The following TNKS variants were observed in gnomAD, a reference collection of about 807,000 sequenced individuals.
TNKS encodes poly [ADP-ribose] polymerase tankyrase-1.
TNKS carries 72 observed loss-of-function variants against 135.8 expected under a neutral mutation model. The ratio of observed to expected loss-of-function variants is 0.53; its 90% CI spans 0.44 to 0.64. The LOEUF (loss-of-function observed/expected upper bound fraction) is 0.64, where lower values mean the gene tolerates loss of function less well. Ranked by LOEUF, TNKS falls within the 30% of genes least tolerant of loss-of-function variation. TNKS has a pLI of 0.00. For missense variants in TNKS, 1,769 were observed against 1,674.0 expected, an observed-to-expected ratio of 1.06 and a Z score of -0.99; for synonymous variants, 849 against 649.3, an observed-to-expected ratio of 1.31 and a Z score of -4.68.
chr8:9,714,089 C>T (rs778592809), intron 11 of TNKS, among the ~76,000 whole-genome samples: 2 of 152,166 alleles, frequency 1.3e-5, no homozygotes, highest in African/African-American at 4.8e-5. Flanking sequence ...AGTAATTTGC[C>T]TTACTTTGAC....
rs543389824 is a variant in TNKS at position 9,780,419 on chromosome 8, A to T, written c.*3683A>T. 3.9e-5 allele frequency: 6 copies of T among 152,246 alleles called. No homozygotes were observed. The highest frequency in any genetic ancestry group is 8.8e-5 in the Non-Finnish European group (6 of 68,044). 9.4% of individuals were successfully genotyped at this position (152,246 alleles called of 1,614,324 possible). ...AGGTATTCAAAACTGCCATTAAGAT[A>T]GGATTTCATGTCAGATACGTATTTA... On this transcript the variant is annotated 3_prime_UTR_variant, in exon 27 of 27. Transcript: ENST00000310430.
intron 3 of TNKS, among the ~76,000 whole-genome samples, chr8:9,660,168 G>A (rs1442365066): frequency 3.9e-5 from 6 of 152,184 alleles, no homozygotes; most frequent in East Asian, 3.8e-4. Flanking sequence ...ACAAGGAGGA[G>A]CTGGTACCAT....
chr8:9,680,690 A>G, intron 4 of TNKS, 35 bp from the exon 5 acceptor site: 1 of 1,463,644 alleles, frequency 6.8e-7, no homozygotes, highest in Admixed American at 1.8e-5. Context: ...GAAGCTTTGT[A>G]ATTTTAGAGG....
intron 20 of TNKS, among the ~76,000 whole-genome samples, chr8:9,759,043 C>A (rs10101132): frequency 0.29 from 44,723 of 152,070 alleles, 6,926 homozygotes; most frequent in East Asian, 0.39. Context: ...GCCATGTGAG[C>A]CTGTATAACA....
At chr8:9,629,634 C>G (rs1403844107) in intron 3 of TNKS, among the ~76,000 whole-genome samples, 1 of 152,134 alleles carries the variant, frequency 6.6e-6, no homozygotes, top group African/African-American at 2.4e-5. Context: ...TTGAAATGTT[C>G]TTTTCCTCAA....
At chr8:9,557,837 A>G (rs911151828) in intron 1 of TNKS, 5 of 152,212 alleles carry the variant, frequency 3.3e-5, no homozygotes, top group East Asian at 1.9e-4. Flanking sequence ...AGTGAAGCAT[A>G]TATCGATCGC....
chr8:9,556,082 C>A lies in TNKS; in HGVS notation c.143C>A (p.Pro48His). 6.2e-7 allele frequency: 1 copy of A among 1,604,684 alleles called. No individual in the cohort carries two copies. The highest frequency in any genetic ancestry group is 8.5e-7 in the Non-Finnish European group (1 of 1,176,360). Reference sequence around the variant, plus strand: ...GCCCCGGGGACCACCCCAGCCTCTCCCACGGCCAGCGGCCTGGCCCCCTTC... The same window carrying A: ...GCCCCGGGGACCACCCCAGCCTCTCACACGGCCAGCGGCCTGGCCCCCTTC... ...GLAPGTTPASPTASGLAPFAS... is the reference protein window; with the variant it reads ...GLAPGTTPASHTASGLAPFAS... The change falls in exon 1 of 27, where the codon CCC (proline) becomes CAC (histidine). Residue 48 changes from proline (P) to histidine (H), a missense_variant. Physicochemically the swap from Pro to His is moderately conservative, Grantham distance 77. This residue lies in a region of TNKS where 450 missense variants were observed against 304.9 expected (regional missense o/e 1.48). Transcript: ENST00000310430.
intron 11 of TNKS, among the ~76,000 whole-genome samples, chr8:9,713,197 T>G (rs751828701): frequency 1.3e-5 from 2 of 152,220 alleles, no homozygotes; most frequent in Non-Finnish European, 1.5e-5. Flanking sequence ...GTACAACTAC[T>G]GCATTATTAT....
At chr8:9,570,996 C>T (rs1252901685) in intron 1 of TNKS, among the ~76,000 whole-genome samples, 3 of 152,062 alleles carry the variant, frequency 2.0e-5, no homozygotes, top group Non-Finnish European at 4.4e-5. Flanking sequence ...AAAAATCAAC[C>T]ATTAAAAATG....
intron 2 of TNKS, among the ~76,000 whole-genome samples, chr8:9,587,242 T>C (rs1261025481): frequency 1.3e-5 from 2 of 151,934 alleles, no homozygotes; most frequent in East Asian, 3.9e-4. Context: ...GATGATATAA[T>C]TTCAGATGGA....
chr8:9,586,721 ACGTGTGTGTGTGTG>A (rs1285748095), intron 2 of TNKS, among the ~76,000 whole-genome samples: 5 of 122,388 alleles, frequency 4.1e-5, no homozygotes, highest in Non-Finnish European at 8.3e-5. Context: ...TATATCTAAA[ACGTGTGTGTGTGTG>A]TGTGTGTGTG....
chr8:9,608,920 C>G (rs1482973270), intron 2 of TNKS, among the ~76,000 whole-genome samples: 1 of 152,158 alleles, frequency 6.6e-6, no homozygotes, highest in Admixed American at 6.5e-5. Context: ...TCTATTTTCT[C>G]CAATTTCATA....
chr8:9,728,047 A>T (rs1321695070), intron 13 of TNKS, among the ~76,000 whole-genome samples: 2 of 152,198 alleles, frequency 1.3e-5, no homozygotes, highest in Non-Finnish European at 2.9e-5. Flanking sequence ...ATATGTGCTT[A>T]TTATAATTAA....
At chr8:9,582,861 C>T (rs1798219263) in intron 2 of TNKS, among the ~76,000 whole-genome samples, 1 of 152,076 alleles carries the variant, frequency 6.6e-6, no homozygotes, top group Non-Finnish European at 1.5e-5. Flanking sequence ...CCTTTGTTGA[C>T]ATTTCTTAAA....
At chr8:9,724,744 C>A (rs1685299049) in intron 12 of TNKS, among the ~76,000 whole-genome samples, 1 of 152,180 alleles carries the variant, frequency 6.6e-6, no homozygotes, top group African/African-American at 2.4e-5. Flanking sequence ...TCTTTACTTT[C>A]TCCTCTTTAA....
Position 9,627,954 on chromosome 8 carries a change from C to T in TNKS, c.994+12277C>T, listed in dbSNP as rs181408538. Among the ~76,000 whole-genome samples, 12 of 152,262 alleles carry T rather than the reference C, an allele frequency of 7.9e-5. No homozygotes were observed. The East Asian group carries it at 2.1e-3, about 27-fold the overall frequency. On this transcript the variant is annotated intron_variant, in intron 3 of 26. Coordinates refer to ENST00000310430, the MANE Select transcript of TNKS (RefSeq NM_003747.3). ...ACCAATTCTACCAACTTAGCTGCAG[C>T]TGCACTCGTGTACAATGCTTTCCTT...
intron 2 of TNKS, among the ~76,000 whole-genome samples, chr8:9,611,610 T>A (rs757504207): frequency 1.3e-5 from 2 of 152,236 alleles, no homozygotes; most frequent in African/African-American, 2.4e-5. Flanking sequence ...GCATCCAGAA[T>A]TGAGTCTTAG....
At chr8:9,580,443 G>A in intron 2 of TNKS, 60 bp downstream of exon 2, 15 of 1,460,090 alleles carry the variant, frequency 1.0e-5, no homozygotes, top group Non-Finnish European at 1.4e-5. Context: ...CTTTTTTTGT[G>A]GTACAAATAG....
chr8:9,744,052 C>T (rs1806108514), intron 17 of TNKS, among the ~76,000 whole-genome samples: 1 of 152,044 alleles, frequency 6.6e-6, no homozygotes, highest in South Asian at 2.1e-4. Flanking sequence ...CTGTGTGTGT[C>T]TTTGAGCCTT....
Sources: gnomAD v4.1 joint callset for allele counts (sites outside exome capture counted in the v4.1 genomes callset) on GRCh38, gnomAD v4.1.1 for gene constraint, gnomAD v4.1.1 regional missense constraint, MANE v1.5 for transcripts, NCBI Gene and HGNC (gene_info 2026-07-23, HGNC 2026-07-21) for gene names.